GALNT13: variants seen among roughly 807,000 people sequenced by gnomAD.
The protein encoded by GALNT13 is UDP-GalNAc:polypeptide N-acetylgalactosaminyltransferase 13.
In GALNT13, 28 loss-of-function variants were observed where a neutral mutation model predicts 64.2. That is an observed-to-expected ratio of 0.44 (90% CI 0.32 to 0.60). The LOEUF is 0.60. GALNT13 is among the 20% of genes least tolerant of loss of function. GALNT13 has a pLI of 0.05. For synonymous variants in GALNT13, 214 were observed against 224.6 expected (o/e 0.95, Z 0.42); for missense variants, 577 against 669.8 (o/e 0.86, Z 1.53).
chr2:154,351,810 A>T (rs1488471719), intron 9 of GALNT13, among the ~76,000 whole-genome samples: 2 of 151,212 alleles, frequency 1.3e-5, no homozygotes, highest in African/African-American at 4.8e-5. Flanking sequence ...TATCACAAGG[A>T]ATAGTGTAGG....
chr2:153,470,887 T>G, the GALNT13 span, among the ~76,000 whole-genome samples: 1 of 152,218 alleles, frequency 6.6e-6, no homozygotes, highest in South Asian at 2.1e-4. Context: ...AAATTCACAG[T>G]GGGGGAAATG....
chr2:154,405,290 G>A (rs1300782157), intron 10 of GALNT13, among the ~76,000 whole-genome samples: 9 of 151,916 alleles, frequency 5.9e-5, no homozygotes, highest in South Asian at 4.2e-4. Context: ...GAATAATACC[G>A]AGAGCATGCC....
intron 10 of GALNT13, among the ~76,000 whole-genome samples, chr2:154,407,252 G>A (rs541084751): frequency 6.6e-6 from 1 of 152,170 alleles, no homozygotes; most frequent in East Asian, 1.9e-4. Context: ...GTCATTTTGT[G>A]AGATATGTAT....
the GALNT13 span, among the ~76,000 whole-genome samples, chr2:153,618,962 T>C: frequency 1.3e-5 from 2 of 152,138 alleles, no homozygotes; most frequent in Admixed American, 6.6e-5. Flanking sequence ...GGTTCTTGTT[T>C]TTTCATCCAT....
intron 2 of GALNT13, among the ~76,000 whole-genome samples, chr2:153,917,020 A>AAG (rs1491084263): frequency 1.3e-5 from 2 of 152,216 alleles, no homozygotes; most frequent in Non-Finnish European, 2.9e-5. Context: ...AACTGACGAA[A>AAG]GAAATTATAC....
intron 4 of GALNT13, among the ~76,000 whole-genome samples, chr2:154,161,813 C>T (rs1411150033): frequency 1.3e-5 from 2 of 151,336 alleles, no homozygotes; most frequent in Non-Finnish European, 2.9e-5. Context: ...GACGGTCTCG[C>T]TCTGTTGCCC....
intron 4 of GALNT13, among the ~76,000 whole-genome samples, chr2:154,200,813 C>G (rs764016828): frequency 5.9e-5 from 9 of 152,112 alleles, no homozygotes; most frequent in Non-Finnish European, 1.0e-4. Context: ...AGGACACATT[C>G]TGACTATGGC....
At chr2:153,180,177 C>T in the GALNT13 span, among the ~76,000 whole-genome samples, 15 of 152,052 alleles carry the variant, frequency 9.9e-5, no homozygotes, top group African/African-American at 3.6e-4. Flanking sequence ...TCTATATGGT[C>T]CTTATTGTGT....
rs1238225224 is a variant in GALNT13, at chr2:154,417,521, A to ATTTTTTT, written c.1395+8440_1395+8446dup. Among the ~76,000 whole-genome samples, 70 of 139,136 alleles carry ATTTTTTT rather than the reference A, an allele frequency of 5.0e-4. 2 individuals are homozygous for ATTTTTTT. Among genetic ancestry groups the ATTTTTTT allele is most frequent in the African/African-American group, 9.8e-4 (35 of 35,774 alleles). 91.3% of individuals were successfully genotyped at this position (139,136 alleles called of 152,430 possible). On this transcript the variant is annotated intron_variant, in intron 11 of 12. Transcript: ENST00000392825. ...TATTTATTTATTTATTTATTTATTT[A>ATTTTTTT]TTTTTTTGAGGCGGAGTCTTGCTCT...
In GALNT13 at chr2:154,446,070, A is replaced by G. The variant is rs182901061; in HGVS notation, c.1531-4341A>G. Among the ~76,000 whole-genome samples the G allele has an allele frequency of 4.1e-3, 618 of 152,154 alleles. 3 individuals are homozygous for G. Among genetic ancestry groups the G allele is most frequent in the Non-Finnish European group, 7.0e-3 (474 of 67,966 alleles). On this transcript the variant is annotated intron_variant, in intron 12 of 12. Coordinates refer to ENST00000392825, the MANE Select transcript of GALNT13 (RefSeq NM_052917.4). ...CACAACCCAGGTTAGCCTTGTAAAA[A>G]CATAAGTGGGAGCAATTTGAGTACC...
At chr2:153,307,494 T>G in the GALNT13 span, among the ~76,000 whole-genome samples, 2 of 152,116 alleles carry the variant, frequency 1.3e-5, no homozygotes, top group African/African-American at 4.8e-5. Flanking sequence ...AAGATGAATA[T>G]TTAAAAATAT....
intron 8 of GALNT13, among the ~76,000 whole-genome samples, chr2:154,298,507 T>TA (rs1424882546): frequency 2.7e-4 from 33 of 120,074 alleles, no homozygotes; most frequent in Non-Finnish European, 3.9e-4. Context: ...TATACATATA[T>TA]AAATTATATA....
the GALNT13 span, among the ~76,000 whole-genome samples, chr2:153,656,833 A>G: frequency 6.6e-6 from 1 of 152,096 alleles, no homozygotes; most frequent in Non-Finnish European, 1.5e-5. Flanking sequence ...AAAGTGGGAA[A>G]CAGTCACACA....
chr2:154,428,359 CT>C (rs1700559425), intron 11 of GALNT13, among the ~76,000 whole-genome samples: 2 of 152,260 alleles, frequency 1.3e-5, no homozygotes, highest in South Asian at 4.1e-4. Context: ...AAACTGTGAA[CT>C]TTTATAGTAA....
the GALNT13 span, among the ~76,000 whole-genome samples, chr2:153,311,657 T>C: frequency 6.6e-6 from 1 of 152,180 alleles, no homozygotes; most frequent in Non-Finnish European, 1.5e-5. Context: ...GACTCACTCA[T>C]AGCCGCCTCC....
chr2:154,289,738 G>A (rs968410095), intron 8 of GALNT13, among the ~76,000 whole-genome samples: 1 of 152,214 alleles, frequency 6.6e-6, no homozygotes, highest in African/African-American at 2.4e-5. Context: ...TGCCTTGAGA[G>A]AGTTGGAATA....
At chr2:154,009,855 G>T (rs768761498) in intron 3 of GALNT13, among the ~76,000 whole-genome samples, 5 of 152,118 alleles carry the variant, frequency 3.3e-5, no homozygotes, top group Non-Finnish European at 5.9e-5. Flanking sequence ...GTTTTGTAAC[G>T]CTTGTAGAAA....
At chr2:153,583,266 A>C in the GALNT13 span, among the ~76,000 whole-genome samples, 5 of 152,338 alleles carry the variant, frequency 3.3e-5, no homozygotes, top group Admixed American at 3.3e-4. Flanking sequence ...TTGTTTCAAC[A>C]TGTGTGCTAA....
intron 12 of GALNT13, chr2:154,445,744 T>G: frequency 8.7e-7 from 1 of 1,155,536 alleles, no homozygotes; most frequent in South Asian, 1.3e-5. Context: ...AGAAGTAGCT[T>G]AATTTTAACA....
Sources: gnomAD v4.1 joint callset for allele counts (sites outside exome capture counted in the v4.1 genomes callset) on GRCh38, gnomAD v4.1.1 for gene constraint, MANE v1.5 for transcripts, NCBI Gene and HGNC (gene_info 2026-07-23, HGNC 2026-07-21) for gene names.